The following ERVFRD-1 variants were observed in gnomAD, a reference collection of about 807,000 sequenced individuals.
ERVFRD-1 encodes syncytin-2.
A neutral mutation model predicts 43.8 loss-of-function variants in ERVFRD-1; 33 were observed. The observed-to-expected ratio is 0.75, with a 90% CI of 0.57 to 1.01. ERVFRD-1 has a LOEUF of 1.01. Ranked by LOEUF, ERVFRD-1 falls within the 50% of genes least tolerant of loss-of-function variation. The pLI is 0.00. For missense variants in ERVFRD-1, 568 were observed against 658.4 expected (o/e 0.86, Z 1.50); for synonymous variants, 239 against 244.4 (o/e 0.98, Z 0.21).
chr6:11,105,243 G>A lies in ERVFRD-1; in HGVS notation c.68C>T (p.Pro23Leu), dbSNP rs760190516. Residue 23 changes from proline to leucine, a missense_variant, in exon 2 of 2, where the codon CCG becomes CTG. By Grantham distance (98) the Pro-to-Leu change is moderately conservative. Transcript: ENST00000472091. ...CAGTTGCTGAGCTTTTTCCAATAAC[G>A]GGAAATCAGGATGGCGGTAGGCTGC... The part of the protein sequence containing the change: ...SLAAYRHPDF[P>L]LLEKAQQLLQ... The A allele has an allele frequency of 1.0e-4, 164 of 1,613,990 alleles. No homozygotes were observed. The highest frequency in any genetic ancestry group is 1.3e-4 in the Non-Finnish European group (153 of 1,180,034).
In ERVFRD-1 at chr6:11,103,507, CTTCT is replaced by C; in HGVS notation, c.*183_*186del. The stretch of plus-strand genomic sequence containing the variant: ...TCTGGGAAAATGGACGAAGGTCAGT[CTTCT>C]TTAACTGCTTCCTGCTGACAGAGGG... On this transcript the variant is annotated 3_prime_UTR_variant, in exon 2 of 2. Coordinates refer to ENST00000472091, the MANE Select transcript of ERVFRD-1 (RefSeq NM_207582.3). The C allele has an allele frequency of 6.0e-6, 5 of 837,342 alleles. No homozygotes were observed. The highest frequency in any genetic ancestry group is 8.6e-6 in the Non-Finnish European group (5 of 580,712). The allele number at this position is 837,342 out of a possible 1,614,324, so 51.9% of individuals were successfully genotyped here.
At chr6:11,107,958 T>A (rs1581913676) in intron 1 of ERVFRD-1, among the ~76,000 whole-genome samples, 1 of 152,342 alleles carries the variant, frequency 6.6e-6, no homozygotes, top group East Asian at 1.9e-4. Context: ...CTGTTATTCC[T>A]GAGGCCCAGA....
rs1324358629 is a variant in ERVFRD-1, at chr6:11,103,771, G to A, written c.1540C>T (p.Arg514Cys). 1.7e-5 allele frequency: 27 copies of A among 1,551,562 alleles called. No individual in the cohort carries two copies. The highest frequency in any genetic ancestry group is 1.7e-4 in the Middle Eastern group (1 of 6,014). The change falls in exon 2 of 2, where the codon CGC becomes TGC. Residue 514 changes from arginine (R) to cysteine (C), a missense_variant. Transcript: ENST00000472091. ...GTCTGGAGCTTTATGGCCTGAAGGCGAGAGGAGACAAATTGGGTTATTAGA... is the reference window on the plus strand; with the variant it reads ...GTCTGGAGCTTTATGGCCTGAAGGCAAGAGGAGACAAATTGGGTTATTAGA... Reference protein sequence around the residue: ...LNLITQFVSSRLQAIKLQTNL... With the variant: ...LNLITQFVSSCLQAIKLQTNL...
In ERVFRD-1 at chr6:11,104,812, G is replaced by A. The variant is rs776530304; in HGVS notation, c.499C>T (p.Arg167Cys). The change falls in exon 2 of 2, where the codon CGC (arginine) becomes TGC (cysteine). Residue 167 changes from arginine to cysteine, a missense_variant. Transcript: ENST00000472091. ...TYQTYTHNQFRHQPRFPKPPN... is the reference protein window; with the variant it reads ...TYQTYTHNQFCHQPRFPKPPN... ...GGTTTGGGGAATCTTGGTTGATGGC[G>A]GAATTGGTTGTGGGTGTATGTTTGG... 6.8e-5 allele frequency: 110 copies of A among 1,614,068 alleles called. No homozygotes were observed. Among genetic ancestry groups the A allele is most frequent in the South Asian group, 4.5e-4 (41 of 91,092 alleles).
intron 1 of ERVFRD-1, among the ~76,000 whole-genome samples, chr6:11,109,455 G>A (rs1369738149): frequency 6.6e-6 from 1 of 152,102 alleles, no homozygotes; most frequent in Non-Finnish European, 1.5e-5. Context: ...TGGGTAGAAG[G>A]GGCAATGGGG....
chr6:11,110,319 T>C (rs919849885), intron 1 of ERVFRD-1, among the ~76,000 whole-genome samples: 3 of 152,214 alleles, frequency 2.0e-5, no homozygotes, highest in African/African-American at 7.2e-5. Flanking sequence ...CTCTGTTCTA[T>C]GGGTACTTTG....
Position 11,104,210 on chromosome 6 carries a change from C to T in ERVFRD-1, c.1101G>A (p.Thr367=), listed in dbSNP as rs1427517519. ...TTGTGATTCCAGCAATTCCGGTTCC[C>T]GTACCAGCTAGAATGCCGAGTCCCG... ...LLAGLGILAG[T]GTGIAGITKA... The change falls in exon 2 of 2, where the codon ACG becomes ACA. Residue 367 remains threonine (T), a synonymous_variant. Transcript: ENST00000472091. The T allele has an allele frequency of 1.6e-5, 25 of 1,551,564 alleles. No individual in the cohort carries two copies. In the Admixed American group the frequency reaches 2.0e-4, roughly 12 times the overall value.
rs1189696874 is a variant in ERVFRD-1, at chr6:11,105,047, A to G, written c.264T>C (p.Pro88=). ...WDPNLKGLMR[P]ANSLLSTVKQ... is the part of the protein sequence containing the mutation. Reference sequence around the variant, plus strand: ...TTACTGTTGAAAGAAGACTATTTGCAGGCCTCATCAGTCCTTTCAGATTAG... The same window carrying G: ...TTACTGTTGAAAGAAGACTATTTGCGGGCCTCATCAGTCCTTTCAGATTAG... Residue 88 remains proline, a synonymous_variant, in exon 2 of 2, where the codon CCT becomes CCC. Transcript: ENST00000472091. 1.2e-6 allele frequency: 2 copies of G among 1,614,080 alleles called. No homozygotes were observed. Among genetic ancestry groups the G allele is most frequent in the East Asian group, 2.2e-5 (1 of 44,892 alleles).
rs1263640984 is a variant in ERVFRD-1 at position 11,104,351 on chromosome 6, GC to G, written c.959del (p.Gly320AlafsTer3). The stretch of plus-strand genomic sequence containing the variant: ...CTATGAAGATGTCTGGGGTTACATA[GC>G]CTATGGTACAAGTTCCAGTCCAGTT... ...PSNWTGTCTIGYVTPDIFIAP... is the reference protein window; with the variant it reads ...PSNWTGTCTIXYVTPDIFIAP... On this transcript the variant is annotated frameshift_variant, in exon 2 of 2. Transcript: ENST00000472091. LOFTEE classifies it high-confidence loss of function. 6.4e-7 allele frequency: 1 copy of G among 1,551,600 alleles called. No homozygotes were observed. The highest frequency in any genetic ancestry group is 1.4e-5 in the African/African-American group (1 of 73,046).
At chr6:11,111,102 A>C (rs1758159736) in intron 1 of ERVFRD-1, among the ~76,000 whole-genome samples, 1 of 152,240 alleles carries the variant, frequency 6.6e-6, no homozygotes, top group Non-Finnish European at 1.5e-5. Flanking sequence ...GGTAACAAGT[A>C]TAAATATCAA....
chr6:11,105,149 T>A lies in ERVFRD-1; in HGVS notation c.162A>T (p.Pro54=). 1 of 1,614,222 alleles carries A rather than the reference T, an allele frequency of 6.2e-7. No individual in the cohort carries two copies. Among genetic ancestry groups the A allele is most frequent in the Non-Finnish European group, 8.5e-7 (1 of 1,180,032 alleles). The change falls in exon 2 of 2, where the codon CCA becomes CCT. Residue 54 remains proline (P), a synonymous_variant. Coordinates refer to ENST00000472091, the MANE Select transcript of ERVFRD-1 (RefSeq NM_207582.3). ...WLCTSSSTET[P]GTAYPASPRE... ...TGGGCGAGGCTGGATAAGCTGTCCC[T>A]GGTGTTTCAGTGGAAGAGCTAGTAC...
chr6:11,110,512 C>T (rs1204074290), intron 1 of ERVFRD-1, among the ~76,000 whole-genome samples: 1 of 152,184 alleles, frequency 6.6e-6, no homozygotes, highest in Non-Finnish European at 1.5e-5. Context: ...CTGGACTTCT[C>T]TCCCTTCAAA....
At chr6:11,110,752 G>C (rs68037813) in intron 1 of ERVFRD-1, among the ~76,000 whole-genome samples, 17,168 of 152,212 alleles carry the variant, frequency 0.11, 1,254 homozygotes, top group Middle Eastern at 0.17. Flanking sequence ...ATTTGAGAGG[G>C]CAACGTTTAT....
At chr6:11,111,596 G>A (rs1758167769) in intron 1 of ERVFRD-1, 81 bp downstream of exon 1, 1 of 152,356 alleles carries the variant, frequency 6.6e-6, no homozygotes, top group African/African-American at 2.4e-5. Context: ...TAGTAAGCAG[G>A]AGAGTGAAAG....
Position 11,104,441 on chromosome 6 carries a change from T to C in ERVFRD-1, c.870A>G (p.Thr290=), listed in dbSNP as rs184878901. The change falls in exon 2 of 2, where the codon ACA becomes ACG. Residue 290 remains threonine, a synonymous_variant. Transcript: ENST00000472091. ...LTPLFHFHIS[T]CLKTQGAFYI... is the part of the protein sequence containing the mutation. ...AAAAGGCTCCTTGAGTTTTAAGGCA[T>C]GTAGAGATATGGAAATGAAATAAGG... is the stretch of plus-strand genomic sequence containing the variant. 1.3e-6 allele frequency: 2 copies of C among 1,551,698 alleles called. No homozygotes were observed. Among genetic ancestry groups the C allele is most frequent in the South Asian group, 2.4e-5 (2 of 84,092 alleles).
intron 1 of ERVFRD-1, among the ~76,000 whole-genome samples, chr6:11,108,536 C>T (rs1758121882): frequency 6.6e-6 from 1 of 152,166 alleles, no homozygotes; most frequent in Non-Finnish European, 1.5e-5. Flanking sequence ...TGGGCACTGC[C>T]TTCTTGTGTG....
rs972511784 is a variant in ERVFRD-1, at chr6:11,102,718, T to TA, written c.*975dup. 8 of 152,188 alleles carry TA rather than the reference T, an allele frequency of 5.3e-5. No homozygotes were observed. The highest frequency in any genetic ancestry group is 1.9e-4 in the African/African-American group (8 of 41,454). 9.4% of individuals were successfully genotyped at this position (152,188 alleles called of 1,614,324 possible). ...TGGCTGTTTACACTGAGTCGGGTGT[T>TA]AGTTTGCTTGGTGCTGGAACCTAAA... On this transcript the variant is annotated 3_prime_UTR_variant, in exon 2 of 2. Transcript: ENST00000472091.
chr6:11,110,677 C>T (rs142706463), intron 1 of ERVFRD-1, among the ~76,000 whole-genome samples: 8 of 152,204 alleles, frequency 5.3e-5, no homozygotes, highest in East Asian at 3.9e-4. Context: ...CAGGAGAAAG[C>T]GGGAGGAAGC....
chr6:11,104,784 G>A lies in ERVFRD-1; in HGVS notation c.527C>T (p.Pro176Leu), dbSNP rs774035002. ...AGTTCCCTGAGGAAAAGTAATATTTGGAGGTTTGGGGAATCTTGGTTGATG... is the reference window on the plus strand; with the variant it reads ...AGTTCCCTGAGGAAAAGTAATATTTAGAGGTTTGGGGAATCTTGGTTGATG... The part of the protein sequence containing the change: ...FRHQPRFPKP[P>L]NITFPQGTLL... The change falls in exon 2 of 2, where the codon CCA (proline) becomes CTA (leucine). Residue 176 changes from proline to leucine, a missense_variant. Transcript: ENST00000472091. 14 of 1,614,088 alleles carry A rather than the reference G, an allele frequency of 8.7e-6. No homozygotes were observed. The highest frequency in any genetic ancestry group is 1.2e-5 in the Non-Finnish European group (14 of 1,180,048).
Sources: gnomAD v4.1 joint callset for allele counts (sites outside exome capture counted in the v4.1 genomes callset) on GRCh38, gnomAD v4.1.1 for gene constraint, MANE v1.5 for transcripts, NCBI Gene and HGNC (gene_info 2026-07-23, HGNC 2026-07-21) for gene names.